Variants in PLCH2 observed in about 807,000 individuals in gnomAD.
PLCH2 encodes phospholipase C eta 2.
Under a neutral mutation model 134.7 loss-of-function variants are expected in PLCH2, and 98 were observed. The ratio of observed to expected loss-of-function variants is 0.73; its 90% CI spans 0.62 to 0.86. The LOEUF (loss-of-function observed/expected upper bound fraction) is 0.86. PLCH2 is among the 40% of genes least tolerant of loss of function. The pLI is 0.00. For missense variants in PLCH2, 1,994 were observed against 1,986.6 expected (o/e 1.00, Z -0.07); for synonymous variants, 974 against 827.5 (o/e 1.18, Z -3.04).
At chr1:2,478,374 T>A in intron 1 of PLCH2, 102 bp from the exon 2 acceptor site, 1 of 1,418,718 alleles carries the variant, frequency 7.0e-7, no homozygotes, top group East Asian at 2.3e-5. Context: ...CTGACGGCCG[T>A]GTTTCTCCCG....
chr1:2,496,980 C>A lies in PLCH2; in HGVS notation c.2086C>A (p.Gln696Lys). The A allele has an allele frequency of 6.2e-7, 1 of 1,613,312 alleles. No individual in the cohort carries two copies. Among genetic ancestry groups the A allele is most frequent in the Non-Finnish European group, 8.5e-7 (1 of 1,179,816 alleles). ...TGTGGACTCCAGCAACTACAACCCG[C>A]AGCCCTTCTGGAACGCCGGCTGCCA... ...YRVDSSNYNP[Q>K]PFWNAGCQMV... is the part of the protein sequence containing the mutation. Residue 696 changes from glutamine to lysine, a missense_variant, in exon 15 of 22, where the codon CAG becomes AAG. Gln to Lys is a moderately conservative substitution (Grantham distance 53, BLOSUM62 1). Around this residue, in one of 2 missense-constraint regions of PLCH2, gnomAD observed 1,094 missense variants for 1,234.3 expected, o/e 0.89. Transcript: ENST00000378486.
rs576814951 is a variant in PLCH2 at position 2,432,074 on chromosome 1, C to T, written c.115+1445C>T. ...AGACTGGGGGGCTTGTATGGAGCCT[C>T]GTGCATTTACCAGGCGTCAGCTTCG... On this transcript the variant is annotated intron_variant, in intron 2 of 3. Transcript: ENST00000609981. 3.9e-5 allele frequency among the ~76,000 whole-genome samples: 6 copies of T among 152,270 alleles called. No homozygotes were observed. The South Asian group carries it at 8.3e-4, about 21-fold the overall frequency.
chr1:2,468,521 G>T (rs1641178774), intron 1 of PLCH2, among the ~76,000 whole-genome samples: 1 of 151,572 alleles, frequency 6.6e-6, no homozygotes. Flanking sequence ...GGCCAGAGGG[G>T]CAGGGTCTCC....
Position 2,503,904 on chromosome 1 carries a change from T to TC in PLCH2, c.2960-13dup. The TC allele has an allele frequency of 1.4e-6, 1 of 694,074 alleles. No homozygotes were observed. Among genetic ancestry groups the TC allele is most frequent in the Non-Finnish European group, 2.6e-6 (1 of 391,104 alleles). The allele number at this position is 694,074 out of a possible 1,614,324, so 43.0% of individuals were successfully genotyped here. On this transcript the variant is annotated splice_polypyrimidine_tract_variant and intron_variant, in intron 21 of 21. Coordinates refer to ENST00000378486, the MANE Select transcript of PLCH2 (RefSeq NM_014638.4). ...GCTTCTCCCTCTGGCTCTCTCTCAC[T>TC]CCCCCACCTCCCCACAGACACCCGC...
At chr1:2,450,765 C>G (rs1157136728) in intron 2 of PLCH2, among the ~76,000 whole-genome samples, 1 of 132,304 alleles carries the variant, frequency 7.6e-6, no homozygotes, top group Non-Finnish European at 1.6e-5. Flanking sequence ...TGTTGCATCC[C>G]AGGTTCCAGA....
intron 2 of PLCH2, among the ~76,000 whole-genome samples, chr1:2,435,198 C>T (rs1465409666): frequency 6.6e-6 from 1 of 152,114 alleles, no homozygotes; most frequent in Non-Finnish European, 1.5e-5. Flanking sequence ...AAGATGGTCC[C>T]GGGGGTGAGG....
upstream of PLCH2, among the ~76,000 whole-genome samples, chr1:2,424,762 C>T (rs183038073): frequency 6.0e-3 from 906 of 152,184 alleles, 13 homozygotes; most frequent in Admixed American, 0.021. Context: ...CCAAGGCGGG[C>T]GGATCACGAG....
At chr1:2,472,709 C>G (rs1166809201), upstream of PLCH2, among the ~76,000 whole-genome samples, 3 of 152,244 alleles carry the variant, frequency 2.0e-5, no homozygotes, top group East Asian at 5.8e-4. Context: ...TTTGAAATGT[C>G]CTGCTGAAAG....
intron 4 of PLCH2, among the ~76,000 whole-genome samples, chr1:2,481,103 C>A (rs1427057340): frequency 6.6e-6 from 1 of 152,276 alleles, no homozygotes; most frequent in Non-Finnish European, 1.5e-5. Flanking sequence ...TGCACACACA[C>A]ACGCATACAC....
chr1:2,503,020 C>G (rs1043385119), intron 21 of PLCH2: 3 of 714,540 alleles, frequency 4.2e-6, no homozygotes, highest in Non-Finnish European at 7.8e-6. Context: ...TGCTCGTGCT[C>G]GTGGCTCTGT....
intron 2 of PLCH2, among the ~76,000 whole-genome samples, chr1:2,434,803 T>C (rs1167171376): frequency 6.6e-6 from 1 of 152,202 alleles, no homozygotes; most frequent in African/African-American, 2.4e-5. Context: ...ACTGATGATG[T>C]GCTTCACCTG....
the PLCH2 span, among the ~76,000 whole-genome samples, chr1:2,416,942 T>TC: frequency 4.2e-4 from 64 of 152,176 alleles, no homozygotes; most frequent in African/African-American, 1.5e-3. Context: ...GCCCTGGGGC[T>TC]CTGGGGCTCT....
At chr1:2,469,052 G>A (rs1010623504) in intron 1 of PLCH2, among the ~76,000 whole-genome samples, 1 of 152,192 alleles carries the variant, frequency 6.6e-6, no homozygotes, top group Non-Finnish European at 1.5e-5. Context: ...TTTGTAGGAT[G>A]GGCTGTATAT....
intron 2 of PLCH2, among the ~76,000 whole-genome samples, chr1:2,461,273 C>A (rs1383291477): frequency 6.6e-6 from 1 of 152,200 alleles, no homozygotes; most frequent in Non-Finnish European, 1.5e-5. Flanking sequence ...CCCTCAGCGT[C>A]CAGTGGGGCT....
chr1:2,474,073 C>T (rs1395016517), upstream of PLCH2, among the ~76,000 whole-genome samples: 6 of 152,198 alleles, frequency 3.9e-5, no homozygotes, highest in Admixed American at 3.9e-4. Context: ...CGGGCCCTGG[C>T]TCAGGGCAGG....
At chr1:2,452,985 G>C (rs930573821) in intron 2 of PLCH2, among the ~76,000 whole-genome samples, 1 of 152,118 alleles carries the variant, frequency 6.6e-6, no homozygotes, top group Non-Finnish European at 1.5e-5. Context: ...ATCCATTCCC[G>C]GTGGGGGCGC....
intron 2 of PLCH2, among the ~76,000 whole-genome samples, chr1:2,434,231 G>A (rs1201453200): frequency 6.6e-6 from 1 of 152,244 alleles, no homozygotes; most frequent in South Asian, 2.1e-4. Context: ...CCTGGGCAGG[G>A]GGCACCGCGC....
At chr1:2,499,317 G>T in intron 19 of PLCH2, 87 bp downstream of exon 19, 6 of 1,463,120 alleles carry the variant, frequency 4.1e-6, no homozygotes, top group Non-Finnish European at 5.6e-6. Flanking sequence ...GTCAGTGCCT[G>T]TGTAGGTGGG....
chr1:2,462,393 C>CGCCTGACACCCCTCT, intron 2 of PLCH2, among the ~76,000 whole-genome samples: 1 of 134,172 alleles, frequency 7.5e-6, no homozygotes, highest in East Asian at 2.3e-4. Context: ...ACACCCCCTC[C>CGCCTGACACCCCTCT]GCCTGACACC....
Sources: allele counts gnomAD v4.1 joint callset (sites outside exome capture counted in the v4.1 genomes callset), GRCh38; gene constraint gnomAD v4.1.1; regional missense constraint gnomAD v4.1.1; transcripts MANE v1.5; gene names NCBI Gene and HGNC (gene_info 2026-07-23, HGNC 2026-07-21).